Variants in BBS9 observed in about 807,000 individuals in gnomAD.
BBS9 encodes protein PTHB1.
BBS9 carries 89 observed loss-of-function variants against 117.7 expected under a neutral mutation model. The ratio of observed to expected loss-of-function variants is 0.76; its 90% CI spans 0.64 to 0.90. The LOEUF (loss-of-function observed/expected upper bound fraction) is 0.90. BBS9 is among the 40% of genes least tolerant of loss of function. The pLI, the probability that BBS9 is intolerant of heterozygous loss-of-function variation, is 0.00. For missense variants in BBS9, 982 were observed against 1,042.2 expected (o/e 0.94, Z 0.80); for synonymous variants, 379 against 370.9 (o/e 1.02, Z -0.25).
At chr7:33,150,561 T>C (rs1415896444) in intron 2 of BBS9, among the ~76,000 whole-genome samples, 1 of 152,060 alleles carries the variant, frequency 6.6e-6, no homozygotes, top group African/African-American at 2.4e-5. Context: ...CCTCAAATAC[T>C]GAAGGAGCTG....
intron 21 of BBS9, among the ~76,000 whole-genome samples, chr7:33,543,207 A>G (rs1015178207): frequency 6.6e-6 from 1 of 151,998 alleles, no homozygotes; most frequent in African/African-American, 2.4e-5. Context: ...TTCCCTGATC[A>G]TTAGTGATGT....
chr7:33,188,024 A>G (rs1783415134), intron 5 of BBS9, among the ~76,000 whole-genome samples: 2 of 151,214 alleles, frequency 1.3e-5, no homozygotes, highest in Non-Finnish European at 2.9e-5. Flanking sequence ...CATGATAGAG[A>G]TGAATATGTG....
intron 19 of BBS9, among the ~76,000 whole-genome samples, chr7:33,477,733 A>G (rs189376403): frequency 6.6e-6 from 1 of 152,196 alleles, no homozygotes. Flanking sequence ...TAGGTTGTTC[A>G]CCATAGATAT....
At position 33,273,020 on chromosome 7, in the gene BBS9, G is replaced by T; in HGVS notation, c.711G>T (p.Trp237Cys). The T allele has an allele frequency of 6.2e-7, 1 of 1,613,606 alleles. No homozygotes were observed. Among genetic ancestry groups the T allele is most frequent in the South Asian group, 1.1e-5 (1 of 91,064 alleles). Residue 237 changes from tryptophan to cysteine, a missense_variant, in exon 8 of 23, where the codon TGG becomes TGT. Coordinates refer to ENST00000242067, the MANE Select transcript of BBS9 (RefSeq NM_198428.3). ...TGAGTTTTGCTTTGTAGGTGGATTG[G>T]ACTCTAAATATTGGAGAGCAAGCCC... Reference protein sequence around the residue: ...LGSGKRLVVDWTLNIGEQALD... With the variant: ...LGSGKRLVVDCTLNIGEQALD...
chr7:33,336,814 C>T (rs571308723), intron 10 of BBS9, among the ~76,000 whole-genome samples, 192 bp downstream of exon 10: 6 of 152,128 alleles, frequency 3.9e-5, no homozygotes, highest in Admixed American at 2.6e-4. Context: ...CTTCTGAAAA[C>T]GTATTTTATT....
intron 9 of BBS9, among the ~76,000 whole-genome samples, chr7:33,290,754 A>G (rs760143761): frequency 2.5e-4 from 38 of 152,222 alleles, no homozygotes; most frequent in Non-Finnish European, 5.0e-4. Flanking sequence ...AAATTTTTTT[A>G]TGACTTAGAA....
intron 9 of BBS9, among the ~76,000 whole-genome samples, chr7:33,316,320 G>A (rs151141484): frequency 2.3e-3 from 343 of 152,200 alleles, no homozygotes; most frequent in African/African-American, 8.1e-3. Flanking sequence ...TTGCTGAGTA[G>A]TGTTCCATTC....
chr7:33,281,799 T>C (rs1293767069), intron 9 of BBS9, among the ~76,000 whole-genome samples: 1 of 151,988 alleles, frequency 6.6e-6, no homozygotes, highest in Admixed American at 6.6e-5. Flanking sequence ...TGCTTCCTTA[T>C]TTTTTTAATT....
intron 21 of BBS9, among the ~76,000 whole-genome samples, chr7:33,633,702 T>C (rs909364344): frequency 6.6e-6 from 1 of 152,116 alleles, no homozygotes; most frequent in Non-Finnish European, 1.5e-5. Context: ...TATTCCTTTC[T>C]GTAGACTTTA....
chr7:33,412,980 G>C (rs1831399597), intron 19 of BBS9, among the ~76,000 whole-genome samples: 1 of 152,162 alleles, frequency 6.6e-6, no homozygotes, highest in Non-Finnish European at 1.5e-5. Context: ...TACAATGTTT[G>C]ATATAGTTTA....
At chr7:33,478,414 C>T (rs767141213) in intron 19 of BBS9, among the ~76,000 whole-genome samples, 1 of 152,120 alleles carries the variant, frequency 6.6e-6, no homozygotes, top group East Asian at 1.9e-4. Flanking sequence ...GGGAGCCACT[C>T]TAGTTTTCTG....
At chr7:33,180,967 C>T (rs928149053) in intron 5 of BBS9, among the ~76,000 whole-genome samples, 2 of 152,108 alleles carry the variant, frequency 1.3e-5, no homozygotes, top group Admixed American at 6.5e-5. Context: ...ATTTCCTTGG[C>T]GGTCGGGATA....
At chr7:33,362,380 A>G (rs1820783069) in intron 16 of BBS9, among the ~76,000 whole-genome samples, 1 of 151,958 alleles carries the variant, frequency 6.6e-6, no homozygotes, top group African/African-American at 2.4e-5. Flanking sequence ...TTTTTTTGAT[A>G]GAAGTTTTCT....
At chr7:33,443,060 T>G (rs1836453013) in intron 19 of BBS9, among the ~76,000 whole-genome samples, 1 of 152,232 alleles carries the variant, frequency 6.6e-6, no homozygotes, top group Non-Finnish European at 1.5e-5. Flanking sequence ...TGTATATGGC[T>G]AAATGGGTAG....
At chr7:33,577,083 C>G (rs1158850144) in intron 21 of BBS9, among the ~76,000 whole-genome samples, 1 of 152,088 alleles carries the variant, frequency 6.6e-6, no homozygotes, top group Non-Finnish European at 1.5e-5. Flanking sequence ...AGCTTCTGCA[C>G]AGCAAAAGAA....
intron 5 of BBS9, among the ~76,000 whole-genome samples, chr7:33,241,991 T>G (rs1254571453): frequency 1.3e-5 from 2 of 152,156 alleles, no homozygotes; most frequent in African/African-American, 2.4e-5. Context: ...GACTTTGAGG[T>G]CATATTCTTT....
At chr7:33,353,639 A>G (rs895187512) in intron 15 of BBS9, among the ~76,000 whole-genome samples, 16 of 148,688 alleles carry the variant, frequency 1.1e-4, no homozygotes, top group African/African-American at 2.7e-4. Context: ...GTTTATCTTT[A>G]TAAGTTATTT....
chr7:33,501,039 C>T (rs181912895), intron 19 of BBS9, among the ~76,000 whole-genome samples: 1 of 152,312 alleles, frequency 6.6e-6, no homozygotes, highest in East Asian at 1.9e-4. Flanking sequence ...CTAAACCCCT[C>T]CCTTTCTGTA....
intron 21 of BBS9, among the ~76,000 whole-genome samples, chr7:33,632,432 G>A (rs984737257): frequency 5.9e-5 from 9 of 152,222 alleles, no homozygotes; most frequent in African/African-American, 1.9e-4. Flanking sequence ...GCACCGCCTT[G>A]GCGCGCACCC....
Sources: gnomAD v4.1 joint callset for allele counts (sites outside exome capture counted in the v4.1 genomes callset) on GRCh38, gnomAD v4.1.1 for gene constraint, MANE v1.5 for transcripts, NCBI Gene and HGNC (gene_info 2026-07-23, HGNC 2026-07-21) for gene names.